SPOUT1: variants seen among roughly 807,000 people sequenced by gnomAD.
SPOUT1 encodes the protein SPOUT domain containing methyltransferase 1, also known as 28S rRNA (uridine-N(3))-methyltransferase.
SPOUT1 carries 40 observed loss-of-function variants against 54.8 expected under a neutral mutation model. The observed-to-expected ratio is 0.73, with a 90% confidence interval of 0.57 to 0.95. SPOUT1 has a LOEUF of 0.95. Ranked by LOEUF, SPOUT1 falls within the 40% of genes least tolerant of loss-of-function variation. The pLI is 0.00. For missense variants in SPOUT1, 437 were observed against 499.5 expected (o/e 0.87, Z 1.19); for synonymous variants, 193 against 200.3 (o/e 0.96, Z 0.31).
intron 11 of SPOUT1, among the ~76,000 whole-genome samples, chr9:128,823,421 C>T (rs34650592): frequency 6.4e-4 from 97 of 152,138 alleles, no homozygotes; most frequent in Admixed American, 1.4e-3. Flanking sequence ...CTGTGCCCAC[C>T]GTGGTCACAC....
chr9:128,823,477 C>T (rs542916335), intron 11 of SPOUT1, among the ~76,000 whole-genome samples: 1 of 152,142 alleles, frequency 6.6e-6, no homozygotes, highest in Non-Finnish European at 1.5e-5. Flanking sequence ...ACTGAGCGCA[C>T]GGCTAAGGAA....
At position 128,822,556 on chromosome 9, in the gene SPOUT1, A is replaced by C. The variant is rs1830143207; in HGVS notation, c.*209T>G. The C allele has an allele frequency of 6.4e-7, 1 of 1,563,666 alleles. No homozygotes were observed. Among genetic ancestry groups the C allele is most frequent in the Non-Finnish European group, 8.7e-7 (1 of 1,153,690 alleles). Reference sequence around the variant, plus strand: ...GGGCTTCGGGGCTGCTCTTTGTGCCAAACATCCTGGCGCGGGCAGGCAGCC... The same window carrying C: ...GGGCTTCGGGGCTGCTCTTTGTGCCCAACATCCTGGCGCGGGCAGGCAGCC... On this transcript the variant is annotated 3_prime_UTR_variant, in exon 12 of 12. Transcript: ENST00000361256.
At chr9:128,823,715 T>C (rs2997918) in intron 11 of SPOUT1, 32 bp downstream of exon 11, 1,567,598 of 1,575,390 alleles carry the variant, frequency 1, 780,252 homozygotes, top group East Asian at 1. Flanking sequence ...AAGGCCCCAG[T>C]GGCTGGCAGT....
intron 7 of SPOUT1, 21 bp from the exon 8 acceptor site, chr9:128,825,070 A>G (rs767272209): frequency 5.3e-5 from 82 of 1,537,128 alleles, no homozygotes; most frequent in Non-Finnish European, 6.9e-5. Flanking sequence ...GCCAGAAGAA[A>G]TGGGTGCCAT....
Position 128,820,970 on chromosome 9 carries a change from T to C in SPOUT1, c.*1795A>G. ...ACCAGTTCCCTACTCATCTGGTTTC[T>C]TGGCAAGCCTGTCAGCTTCCCTGCC... is the stretch of plus-strand genomic sequence containing the variant. On this transcript the variant is annotated 3_prime_UTR_variant, in exon 12 of 12. Coordinates refer to ENST00000361256, the MANE Select transcript of SPOUT1 (RefSeq NM_016390.4). 1 of 859,614 alleles carries C rather than the reference T, an allele frequency of 1.2e-6. No homozygotes were observed. The highest frequency in any genetic ancestry group is 1.8e-6 in the Non-Finnish European group (1 of 550,396). 53.2% of individuals were successfully genotyped at this position (859,614 alleles called of 1,614,324 possible). A position where few individuals can be genotyped will look rare whatever the true frequency, so the allele number is the denominator to read the frequency against.
chr9:128,822,888 G>A (rs1012198065), intron 11 of SPOUT1, 55 bp from the exon 12 acceptor site: 18 of 1,327,646 alleles, frequency 1.4e-5, no homozygotes, highest in African/African-American at 1.0e-4. Context: ...GGGTGCCCCC[G>A]CTCCCAGCCT....
intron 9 of SPOUT1, among the ~76,000 whole-genome samples, chr9:128,824,474 G>A (rs1048374052): frequency 1.6e-4 from 25 of 152,164 alleles, no homozygotes; most frequent in Non-Finnish European, 3.1e-4. Flanking sequence ...AGACTGGATA[G>A]GAAGAGGCAC....
intron 9 of SPOUT1, 75 bp from the exon 10 acceptor site, chr9:128,824,249 T>C (rs899840042): frequency 3.1e-6 from 2 of 637,530 alleles, no homozygotes; most frequent in Non-Finnish European, 5.8e-6. Context: ...GTGTGTGTAC[T>C]GAGGCGGGGG....
rs1204894949 is a variant in SPOUT1, at chr9:128,827,023, G to A, written c.368+9C>T. On this transcript the variant is annotated intron_variant, in intron 4 of 11. Transcript: ENST00000361256. ...CTGAACCCTGGCACCCTGTGGGATG[G>A]CCCCTTACTTGGCATCCTGGCCCTC... The A allele has an allele frequency of 2.5e-6, 4 of 1,612,590 alleles. No individual in the cohort carries two copies. Among genetic ancestry groups the A allele is most frequent in the Non-Finnish European group, 3.4e-6 (4 of 1,179,094 alleles).
chr9:128,829,750 C>T lies in SPOUT1; in HGVS notation c.31G>A (p.Gly11Ser). Reference protein sequence around the residue: MAERGRKRPCGPGEHGQRIEW... With the variant: MAERGRKRPCSPGEHGQRIEW... ...GTCCCGCCGCCCGCACTTACCGGGC[C>T]GCACGGCCGCTTCCTGCCGCGCTCC... The change falls in exon 1 of 12, where the codon GGC (glycine) becomes AGC (serine). Residue 11 changes from glycine (G) to serine (S), a missense_variant. By Grantham distance (56) the Gly-to-Ser change is moderately conservative (BLOSUM62 0). Transcript: ENST00000361256. 1 of 1,601,430 alleles carries T rather than the reference C, an allele frequency of 6.2e-7. No individual in the cohort carries two copies. The highest frequency in any genetic ancestry group is 1.1e-5 in the South Asian group (1 of 89,040).
chr9:128,828,713 C>T, intron 3 of SPOUT1, 22 bp downstream of exon 3: 1 of 1,612,286 alleles, frequency 6.2e-7, no homozygotes, highest in African/African-American at 1.3e-5. Flanking sequence ...AACCTGTGGC[C>T]CTCCCCAAGA....
intron 1 of SPOUT1, 97 bp from the exon 2 acceptor site, chr9:128,829,252 G>A: frequency 9.2e-7 from 1 of 1,087,278 alleles, no homozygotes; most frequent in Non-Finnish European, 1.4e-6. Flanking sequence ...CTCCACACGG[G>A]GCGGCAAGGA....
At chr9:128,829,340 A>AC (rs1250296038) in intron 1 of SPOUT1, among the ~76,000 whole-genome samples, 185 bp from the exon 2 acceptor site, 1 of 152,146 alleles carries the variant, frequency 6.6e-6, no homozygotes, top group Non-Finnish European at 1.5e-5. Flanking sequence ...AGCGCCTGGG[A>AC]CCCAGCCTGG....
rs891959463 is a variant in SPOUT1 at position 128,820,194 on chromosome 9, G to T, written c.*2571C>A. ...CACCCTCTCAGCCTGTTCCCAGCAGGTCCTGGCACCAATGGATGGAGACTG... is the reference window on the plus strand; with the variant it reads ...CACCCTCTCAGCCTGTTCCCAGCAGTTCCTGGCACCAATGGATGGAGACTG... On this transcript the variant is annotated 3_prime_UTR_variant, in exon 12 of 12. Coordinates refer to ENST00000361256, the MANE Select transcript of SPOUT1 (RefSeq NM_016390.4). The T allele has an allele frequency of 6.5e-6, 1 of 154,016 alleles. No homozygotes were observed. Among genetic ancestry groups the T allele is most frequent in the African/African-American group, 2.4e-5 (1 of 41,460 alleles). 9.5% of individuals were successfully genotyped at this position (154,016 alleles called of 1,614,324 possible). A position where few individuals can be genotyped will look rare whatever the true frequency, so the allele number is the denominator to read the frequency against.
rs1830250502 is a variant in SPOUT1, at chr9:128,826,778, G to T, written c.369-149C>A. 2.9e-6 allele frequency: 2 copies of T among 688,226 alleles called. No homozygotes were observed. The highest frequency in any genetic ancestry group is 4.8e-6 in the Non-Finnish European group (2 of 414,230). The allele number at this position is 688,226 out of a possible 1,614,324, so 42.6% of individuals were successfully genotyped here. On this transcript the variant is annotated intron_variant, in intron 4 of 11. Coordinates refer to ENST00000361256, the MANE Select transcript of SPOUT1 (RefSeq NM_016390.4). The surrounding 1 kb of genome is among the most constrained non-coding windows in gnomAD (Gnocchi z 5.5). The stretch of plus-strand genomic sequence containing the variant: ...GCAAGTAGAGGCTGCAGTGAGCCAT[G>T]ACCATGCCACTGCATGCACTCCAGC...
At position 128,826,680 on chromosome 9, in the gene SPOUT1, G is replaced by A. The variant is rs550717106; in HGVS notation, c.369-51C>T. ...GGATCCAGCTGTGGCCCCTTCAAGA[G>A]CTCCTGTCTACAAGTGCACGCGTAT... On this transcript the variant is annotated intron_variant, in intron 4 of 11. Transcript: ENST00000361256. The surrounding 1 kb of genome is among the most constrained non-coding windows in gnomAD (Gnocchi z 5.5). The A allele has an allele frequency of 2.2e-6, 3 of 1,334,590 alleles. No individual in the cohort carries two copies. In the South Asian group the frequency reaches 4.2e-5, roughly 19 times the overall value. The allele number at this position is 1,334,590 out of a possible 1,614,324, so 82.7% of individuals were successfully genotyped here.
Position 128,822,619 on chromosome 9 carries a change from C to T in SPOUT1, c.*146G>A. 1 of 1,565,046 alleles carries T rather than the reference C, an allele frequency of 6.4e-7. No homozygotes were observed. Among genetic ancestry groups the T allele is most frequent in the East Asian group, 2.3e-5 (1 of 42,788 alleles). The stretch of plus-strand genomic sequence containing the variant: ...CGGCGGGCAGTAAGTGAGGGTGGAG[C>T]CCAGTGAGACTGTGGGTGTGTGCAG... On this transcript the variant is annotated 3_prime_UTR_variant, in exon 12 of 12. Coordinates refer to ENST00000361256, the MANE Select transcript of SPOUT1 (RefSeq NM_016390.4).
chr9:128,820,630 TCA>T lies in SPOUT1; in HGVS notation c.*2133_*2134del, dbSNP rs1830091733. ...GAGCCTCAGTTTCCCCCCGCTTGTC[TCA>T]CTGGATATCTCTGAGCCTGTCCATC... On this transcript the variant is annotated 3_prime_UTR_variant, in exon 12 of 12. Coordinates refer to ENST00000361256, the MANE Select transcript of SPOUT1 (RefSeq NM_016390.4). The T allele has an allele frequency of 1.2e-6, 1 of 862,796 alleles. No homozygotes were observed. The highest frequency in any genetic ancestry group is 2.7e-5 in the East Asian group (1 of 37,382). The allele number at this position is 862,796 out of a possible 1,614,324, so 53.4% of individuals were successfully genotyped here. A position where few individuals can be genotyped will look rare whatever the true frequency, so the allele number is the denominator to read the frequency against.
chr9:128,820,654 C>T lies in SPOUT1; in HGVS notation c.*2111G>A. 2.7e-6 allele frequency: 3 copies of T among 1,122,576 alleles called. No individual in the cohort carries two copies. The highest frequency in any genetic ancestry group is 1.3e-6 in the Non-Finnish European group (1 of 760,404). The allele number at this position is 1,122,576 out of a possible 1,614,324, so 69.5% of individuals were successfully genotyped here. A position where few individuals can be genotyped will look rare whatever the true frequency, so the allele number is the denominator to read the frequency against. On this transcript the variant is annotated 3_prime_UTR_variant, in exon 12 of 12. Transcript: ENST00000361256. ...CTCACTGGATATCTCTGAGCCTGTC[C>T]ATCCCCTCAGGACCTGGGGCGGCCC... is the stretch of plus-strand genomic sequence containing the variant.
Sources: gnomAD v4.1 joint callset for allele counts (sites outside exome capture counted in the v4.1 genomes callset) on GRCh38, gnomAD v4.1.1 for gene constraint, Gnocchi (gnomAD v3.1) non-coding constraint, MANE v1.5 for transcripts, NCBI Gene and HGNC (gene_info 2026-07-23, HGNC 2026-07-21) for gene names.